The following LAMA2 variants were observed in gnomAD, a reference collection of about 807,000 sequenced individuals.
LAMA2 encodes the protein laminin subunit alpha 2.
LAMA2 carries 269 observed loss-of-function variants against 364.8 expected under a neutral mutation model. The observed-to-expected ratio is 0.74, with a 90% CI of 0.67 to 0.82. LAMA2 has a LOEUF of 0.82. LAMA2 is among the 40% of genes least tolerant of loss of function. The pLI is 0.00. For missense variants in LAMA2, 3,807 were observed against 3,873.2 expected (o/e 0.98, Z 0.45); for synonymous variants, 1,379 against 1,370.6 (o/e 1.01, Z -0.14).
chr6:129,005,211 G>C (rs1354725118), intron 1 of LAMA2, among the ~76,000 whole-genome samples: 1 of 151,868 alleles, frequency 6.6e-6, no homozygotes. Flanking sequence ...CATGAGGTTA[G>C]ACCTATATAA....
chr6:129,143,410 T>A (rs1778245359), intron 4 of LAMA2, among the ~76,000 whole-genome samples: 1 of 152,038 alleles, frequency 6.6e-6, no homozygotes, highest in African/African-American at 2.4e-5. Context: ...TTCCTTGTAA[T>A]TTTTGTTCTC....
intron 1 of LAMA2, among the ~76,000 whole-genome samples, chr6:128,974,841 T>C (rs1197851497): frequency 6.6e-6 from 1 of 150,856 alleles, no homozygotes; most frequent in African/African-American, 2.5e-5. Flanking sequence ...TGACACAATT[T>C]AATGAGTAAC....
intron 4 of LAMA2, among the ~76,000 whole-genome samples, chr6:129,120,184 A>G (rs1448813701): frequency 1.3e-5 from 2 of 152,230 alleles, no homozygotes; most frequent in African/African-American, 4.8e-5. Context: ...TTGTAAAAAT[A>G]TCAAAAGAAA....
intron 10 of LAMA2, among the ~76,000 whole-genome samples, chr6:129,186,969 T>A (rs974731799): frequency 1.3e-5 from 2 of 151,766 alleles, no homozygotes; most frequent in Non-Finnish European, 2.9e-5. Flanking sequence ...GATGAACGAA[T>A]AATATAAAGA....
At chr6:129,373,215 C>T (rs1376995044) in intron 34 of LAMA2, among the ~76,000 whole-genome samples, 1 of 152,154 alleles carries the variant, frequency 6.6e-6, no homozygotes. Flanking sequence ...GCCATATCCA[C>T]GGTCATCTAG....
At chr6:129,196,001 TCTGCTGTTC>T (rs1781822160) in intron 12 of LAMA2, among the ~76,000 whole-genome samples, 1 of 152,206 alleles carries the variant, frequency 6.6e-6, no homozygotes, top group East Asian at 1.9e-4. Flanking sequence ...GCTTGGCTTG[TCTGCTGTTC>T]CTGCATTACC....
intron 1 of LAMA2, among the ~76,000 whole-genome samples, chr6:129,043,072 A>G (rs1562181411): frequency 6.6e-6 from 1 of 152,170 alleles, no homozygotes; most frequent in East Asian, 1.9e-4. Flanking sequence ...ATTAAAAACT[A>G]CCTGTTTTCT....
At chr6:129,492,135 G>A in intron 57 of LAMA2, 58 bp downstream of exon 57, 3 of 1,494,256 alleles carry the variant, frequency 2.0e-6, no homozygotes, top group Non-Finnish European at 2.8e-6. Context: ...TTGCTATTAG[G>A]GGTCCCAATG....
At chr6:129,203,403 C>T (rs771092862) in intron 12 of LAMA2, among the ~76,000 whole-genome samples, 11 of 152,178 alleles carry the variant, frequency 7.2e-5, no homozygotes, top group Non-Finnish European at 1.5e-4. Flanking sequence ...TAGATCAGAC[C>T]CACCCCTTGT....
chr6:129,368,705 G>C (rs1414899237), intron 33 of LAMA2, among the ~76,000 whole-genome samples: 1 of 152,140 alleles, frequency 6.6e-6, no homozygotes. Flanking sequence ...CTTCTGGCTG[G>C]ATATTGATCC....
At chr6:129,304,484 C>T (rs1012825191) in intron 22 of LAMA2, among the ~76,000 whole-genome samples, 1 of 152,130 alleles carries the variant, frequency 6.6e-6, no homozygotes, top group Admixed American at 6.5e-5. Context: ...AGGATGGTCT[C>T]GATCTCCTGA....
At chr6:129,106,732 ATAAT>A (rs747584954) in intron 4 of LAMA2, among the ~76,000 whole-genome samples, 130 of 151,934 alleles carry the variant, frequency 8.6e-4, no homozygotes, top group Non-Finnish European at 1.6e-3. Context: ...CATAAAATAC[ATAAT>A]TTATTTAAGG....
intron 12 of LAMA2, among the ~76,000 whole-genome samples, chr6:129,214,825 G>T (rs1783324409): frequency 6.6e-6 from 1 of 150,986 alleles, no homozygotes; most frequent in Non-Finnish European, 1.5e-5. Flanking sequence ...ATAACTTGCT[G>T]GGATTTTGAC....
rs1296034775 is a variant in LAMA2 at position 128,998,591 on chromosome 6, G to T, written c.113-51327G>T. Reference sequence around the variant, plus strand: ...CGAGGCATTGCCTCACCTGGGAAGCGCAAGGGGTCAGGGAGTTCCCTTTCC... The same window carrying T: ...CGAGGCATTGCCTCACCTGGGAAGCTCAAGGGGTCAGGGAGTTCCCTTTCC... On this transcript the variant is annotated intron_variant, in intron 1 of 64. Coordinates refer to ENST00000421865, the MANE Select transcript of LAMA2 (RefSeq NM_000426.4). Among the ~76,000 whole-genome samples the T allele has an allele frequency of 6.4e-5, 3 of 46,642 alleles. 1 individual carries two copies. Among genetic ancestry groups the T allele is most frequent in the Admixed American group, 2.1e-4 (1 of 4,690 alleles). The allele number at this position is 46,642 out of a possible 152,430, so 30.6% of individuals were successfully genotyped here. A position where few individuals can be genotyped will look rare whatever the true frequency, so the allele number is the denominator to read the frequency against.
In LAMA2 at chr6:128,910,613, A is replaced by G. The variant is rs1467669510; in HGVS notation, c.112+27256A>G. Among the ~76,000 whole-genome samples, 12 of 152,168 alleles carry G rather than the reference A, an allele frequency of 7.9e-5. No homozygotes were observed. In the East Asian group the frequency reaches 9.7e-4, roughly 12 times the overall value. On this transcript the variant is annotated intron_variant, in intron 1 of 64. Transcript: ENST00000421865. ...TCCCGTAGCTCAGAGTAATTTGATCATCTGAAGCCTTCTTCTCTCAGCTCG... is the reference window on the plus strand; with the variant it reads ...TCCCGTAGCTCAGAGTAATTTGATCGTCTGAAGCCTTCTTCTCTCAGCTCG...
chr6:129,146,587 A>G (rs3778139), intron 5 of LAMA2, among the ~76,000 whole-genome samples: 5,604 of 152,114 alleles, frequency 0.037, 190 homozygotes, highest in East Asian at 0.14. Context: ...AGTTGCTATA[A>G]TCACAATAAA....
chr6:129,041,860 A>G (rs980591855), intron 1 of LAMA2, among the ~76,000 whole-genome samples: 2 of 152,062 alleles, frequency 1.3e-5, no homozygotes, highest in Non-Finnish European at 2.9e-5. Context: ...TAAGGCCAGC[A>G]CGGTGCTGCA....
Position 129,280,128 on chromosome 6 carries a change from A to C in LAMA2, c.2518A>C (p.Thr840Pro). 6.2e-7 allele frequency: 1 copy of C among 1,610,830 alleles called. No homozygotes were observed. Among genetic ancestry groups the C allele is most frequent in the East Asian group, 2.2e-5 (1 of 44,856 alleles). The change falls in exon 18 of 65, where the codon ACA (threonine) becomes CCA (proline). Residue 840 changes from threonine (T) to proline (P), a missense_variant. Physicochemically the swap from Thr to Pro is conservative, Grantham distance 38. Coordinates refer to ENST00000421865, the MANE Select transcript of LAMA2 (RefSeq NM_000426.4). ...LICDGCPVGY[T>P]GPRCERCAEG... is the part of the protein sequence containing the mutation. ...CTGTGATGGATGCCCTGTCGGGTAC[A>C]CAGGACCACGCTGTGAGAGGTAAGA... is the stretch of plus-strand genomic sequence containing the variant.
In LAMA2 at chr6:129,224,976, GT is replaced by G. The variant is rs201083703; in HGVS notation, c.1783-25134del. On this transcript the variant is annotated intron_variant, in intron 12 of 64. Coordinates refer to ENST00000421865, the MANE Select transcript of LAMA2 (RefSeq NM_000426.4). Reference sequence around the variant, plus strand: ...TCCATCTGGTCCTGGACTTTTTTTGGTTGGTAGGCTATTAATTATTGCCTCA... The same window carrying G: ...TCCATCTGGTCCTGGACTTTTTTTGGTGGTAGGCTATTAATTATTGCCTCA... Among the ~76,000 whole-genome samples, 970 of 152,158 alleles carry G rather than the reference GT, an allele frequency of 6.4e-3. 27 individuals carry two copies. The highest frequency in any genetic ancestry group is 0.031 in the East Asian group (162 of 5,176).
Sources: gnomAD v4.1 joint callset for allele counts (sites outside exome capture counted in the v4.1 genomes callset) on GRCh38, gnomAD v4.1.1 for gene constraint, MANE v1.5 for transcripts, NCBI Gene and HGNC (gene_info 2026-07-23, HGNC 2026-07-21) for gene names.